C19orf44: variants seen among roughly 807,000 people sequenced by gnomAD.
C19orf44 encodes uncharacterized protein C19orf44.
A neutral mutation model predicts 50.7 loss-of-function variants in C19orf44; 43 were observed. The observed-to-expected ratio is 0.85, with a 90% CI of 0.66 to 1.09. C19orf44 has a LOEUF of 1.09. Among genes scored for constraint, C19orf44 ranks in the 50% least tolerant of loss-of-function variants. C19orf44 has a pLI of 0.00. For missense variants in C19orf44, 722 were observed against 836.2 expected, an observed-to-expected ratio of 0.86 and a Z score of 1.68; for synonymous variants, 298 against 334.7, an observed-to-expected ratio of 0.89 and a Z score of 1.20.
intron 8 of C19orf44, chr19:16,518,465 C>T (rs1305999240): frequency 6.6e-6 from 1 of 152,182 alleles, no homozygotes; most frequent in Non-Finnish European, 1.5e-5. Flanking sequence ...AAAATATCAA[C>T]TTATACAACT....
chr19:16,519,401 G>T lies in C19orf44; in HGVS notation c.*41-693G>T. The stretch of plus-strand genomic sequence containing the variant: ...ACCACAACAAGGCGGAGGCAGATGG[G>T]GGTGCACGTGGGGGGCTGAATGTCC... On this transcript the variant is annotated intron_variant, in intron 8 of 8. Transcript: ENST00000221671. The surrounding 1 kb of genome is among the most constrained non-coding windows in gnomAD (Gnocchi z 6.0). 6.4e-7 allele frequency: 1 copy of T among 1,559,044 alleles called. No homozygotes were observed.
Position 16,520,932 on chromosome 19 carries a change from G to C in C19orf44, c.*879G>C. ...CCTTCACTGTAAGACACGGCATTCC[G>C]TGTGTGACCACGTGACACCCACCCA... is the stretch of plus-strand genomic sequence containing the variant. On this transcript the variant is annotated 3_prime_UTR_variant, in exon 9 of 9. Transcript: ENST00000221671. The surrounding 1 kb of genome is among the most constrained non-coding windows in gnomAD (Gnocchi z 4.0). 6.2e-7 allele frequency: 1 copy of C among 1,606,526 alleles called. No homozygotes were observed. The highest frequency in any genetic ancestry group is 8.5e-7 in the Non-Finnish European group (1 of 1,173,920).
chr19:16,496,447 A>C lies in C19orf44; in HGVS notation c.-20A>C. On this transcript the variant is annotated 5_prime_UTR_variant, in exon 1 of 9. An upstream start codon of the reference 5' UTR is lost. Transcript: ENST00000221671. ...GTGAATGTGGCGGCTGCCTCTGCGAATGGACGGCGTGGGAAGAGGTCGGCA... is the reference window on the plus strand; with the variant it reads ...GTGAATGTGGCGGCTGCCTCTGCGACTGGACGGCGTGGGAAGAGGTCGGCA... 3 of 368,442 alleles carry C rather than the reference A, an allele frequency of 8.1e-6. No individual in the cohort carries two copies. Among genetic ancestry groups the C allele is most frequent in the Non-Finnish European group, 1.5e-5 (3 of 194,056 alleles). 22.8% of individuals were successfully genotyped at this position (368,442 alleles called of 1,614,324 possible). A position where few individuals can be genotyped will look rare whatever the true frequency, so the allele number is the denominator to read the frequency against.
chr19:16,499,428 AG>A (rs1219026048), intron 1 of C19orf44: 7 of 151,596 alleles, frequency 4.6e-5, no homozygotes, highest in African/African-American at 1.7e-4. Context: ...CTGGGACTAC[AG>A]GCGCCCGCCA....
Position 16,520,159 on chromosome 19 carries a change from G to A in C19orf44, c.*106G>A. The A allele has an allele frequency of 6.2e-7, 1 of 1,612,450 alleles. No individual in the cohort carries two copies. The highest frequency in any genetic ancestry group is 1.1e-5 in the South Asian group (1 of 91,048). ...AAGACAGGATCTTACGGCGGGGTGG[G>A]GCTCCTGGACCGTGACCGGCGTCTT... On this transcript the variant is annotated 3_prime_UTR_variant, in exon 9 of 9. Coordinates refer to ENST00000221671, the MANE Select transcript of C19orf44 (RefSeq NM_032207.4). This position sits in a 1 kb window ranked among gnomAD's most constrained non-coding sequence, Gnocchi z 4.0.
intron 4 of C19orf44, among the ~76,000 whole-genome samples, 200 bp downstream of exon 4, chr19:16,506,974 A>G (rs1199326908): frequency 6.6e-6 from 1 of 152,108 alleles, no homozygotes; most frequent in Admixed American, 6.6e-5. Context: ...TGCCTGGCCC[A>G]ATGTCGATTC....
intron 7 of C19orf44, 102 bp downstream of exon 7, chr19:16,514,765 C>T (rs919609550): frequency 1.5e-5 from 20 of 1,296,062 alleles, no homozygotes; most frequent in Non-Finnish European, 1.8e-5. Context: ...CTCCAGCGCT[C>T]AGCCCAGGGC....
chr19:16,518,031 T>C (rs2085561640), intron 8 of C19orf44: 1 of 152,212 alleles, frequency 6.6e-6, no homozygotes, highest in Admixed American at 6.5e-5. Context: ...AAATCAAATA[T>C]TCATCACGTT....
intron 8 of C19orf44, among the ~76,000 whole-genome samples, 188 bp downstream of exon 8, chr19:16,517,529 T>C (rs985619888): frequency 6.6e-6 from 1 of 152,160 alleles, no homozygotes; most frequent in African/African-American, 2.4e-5. Context: ...CCCAGACTCC[T>C]CTGAGCCAAA....
At position 16,519,276 on chromosome 19, in the gene C19orf44, A is replaced by C. The variant is rs2085583115; in HGVS notation, c.*41-818A>C. On this transcript the variant is annotated intron_variant, in intron 8 of 8. Transcript: ENST00000221671. The surrounding 1 kb of genome is among the most constrained non-coding windows in gnomAD (Gnocchi z 6.0). The stretch of plus-strand genomic sequence containing the variant: ...CCACGCCTTTATACTGGTCCCACTT[A>C]TCCCGGACGTCCCCGCCCTTGATGG... The C allele has an allele frequency of 6.2e-7, 1 of 1,613,900 alleles. No homozygotes were observed. Among genetic ancestry groups the C allele is most frequent in the Admixed American group, 1.7e-5 (1 of 60,000 alleles).
At chr19:16,497,571 G>T (rs1346157453) in intron 1 of C19orf44, among the ~76,000 whole-genome samples, 2 of 151,446 alleles carry the variant, frequency 1.3e-5, no homozygotes, top group African/African-American at 2.4e-5. Context: ...GGCTGGTCTC[G>T]ATCTCCTGAC....
intron 8 of C19orf44, chr19:16,518,484 T>G (rs892033228): frequency 6.6e-6 from 1 of 152,146 alleles, no homozygotes; most frequent in African/African-American, 2.4e-5. Flanking sequence ...CTAAAATAAC[T>G]GAACTAAGGG....
Position 16,519,983 on chromosome 19 carries a change from G to T in C19orf44, c.*41-111G>T. Reference sequence around the variant, plus strand: ...AAGCAGACCCCAGTTACTGCCTCAGGCTTCGCCAAGTGGCTACTGTGGTGA... The same window carrying T: ...AAGCAGACCCCAGTTACTGCCTCAGTCTTCGCCAAGTGGCTACTGTGGTGA... On this transcript the variant is annotated intron_variant, in intron 8 of 8. Transcript: ENST00000221671. This position sits in a 1 kb window ranked among gnomAD's most constrained non-coding sequence, Gnocchi z 6.0. 1.3e-6 allele frequency: 1 copy of T among 764,054 alleles called. No individual in the cohort carries two copies. The highest frequency in any genetic ancestry group is 2.1e-6 in the Non-Finnish European group (1 of 465,970). The allele number at this position is 764,054 out of a possible 1,614,324, so 47.3% of individuals were successfully genotyped here.
Position 16,517,285 on chromosome 19 carries a change from T to A in C19orf44, c.1958T>A (p.Val653Glu), listed in dbSNP as rs766206552. The A allele has an allele frequency of 9.4e-5, 152 of 1,613,682 alleles. No homozygotes were observed. The highest frequency in any genetic ancestry group is 1.8e-4 in the Admixed American group (11 of 59,948). ...PLTMEDALEE[V>E]NKEL ...ACCATGGAGGATGCCCTGGAGGAGG[T>A]GAACAAGGAGCTGTGAGCGCCAGCA... The change falls in exon 8 of 9, where the codon GTG (valine) becomes GAG (glutamate). Residue 653 changes from valine (V) to glutamate (E), a missense_variant. Physicochemically the swap from Val to Glu is moderately radical, Grantham distance 121. Coordinates refer to ENST00000221671, the MANE Select transcript of C19orf44 (RefSeq NM_032207.4).
chr19:16,501,071 A>AAG lies in C19orf44; in HGVS notation c.279_280insAG (p.Leu94SerfsTer3). On this transcript the variant is annotated frameshift_variant, in exon 2 of 9. Coordinates refer to ENST00000221671, the MANE Select transcript of C19orf44 (RefSeq NM_032207.4). LOFTEE classifies it high-confidence loss of function. ...CCTCCAGGATCCGAGCCAATGCCGC[A>AAG]CTCATGAAGCTGGCCCAGCTGGAAA... is the stretch of plus-strand genomic sequence containing the variant. 1 of 1,614,002 alleles carries AAG rather than the reference A, an allele frequency of 6.2e-7. No homozygotes were observed. Among genetic ancestry groups the AAG allele is most frequent in the Non-Finnish European group, 8.5e-7 (1 of 1,180,014 alleles).
chr19:16,511,042 CT>C (rs749354519), intron 5 of C19orf44, among the ~76,000 whole-genome samples: 159 of 145,508 alleles, frequency 1.1e-3, no homozygotes, highest in Middle Eastern at 3.5e-3. Flanking sequence ...GGCCCTGTAT[CT>C]TTTTTTTTTT....
At chr19:16,514,154 ATT>A (rs531759810) in intron 6 of C19orf44, among the ~76,000 whole-genome samples, 1 of 144,942 alleles carries the variant, frequency 6.9e-6, no homozygotes. Flanking sequence ...CACCTGGCTA[ATT>A]TTTTTTTTTG....
chr19:16,504,716 C>T lies in C19orf44; in HGVS notation c.1075+1336C>T, dbSNP rs559290174. ...CCAGGTTCAAGTGATGCTCCTGTCT[C>T]AGCTTCCCAAGTAGCTGGGACTATA... On this transcript the variant is annotated intron_variant, in intron 3 of 8. Transcript: ENST00000221671. Among the ~76,000 whole-genome samples the T allele has an allele frequency of 2.7e-4, 41 of 152,138 alleles. 1 individual carries two copies. Among genetic ancestry groups the T allele is most frequent in the Middle Eastern group, 6.8e-3 (2 of 294 alleles).
chr19:16,503,417 C>A, intron 3 of C19orf44, 37 bp downstream of exon 3: 1 of 1,575,068 alleles, frequency 6.3e-7, no homozygotes. Flanking sequence ...GTACCTTGGG[C>A]AGGAAGGGTG....
Sources: gnomAD v4.1 joint callset for allele counts (sites outside exome capture counted in the v4.1 genomes callset) on GRCh38, gnomAD v4.1.1 for gene constraint, Gnocchi (gnomAD v3.1) non-coding constraint, MANE v1.5 for transcripts, NCBI Gene and HGNC (gene_info 2026-07-23, HGNC 2026-07-21) for gene names.